The following TRIM49C variants were observed in gnomAD, a reference collection of about 807,000 sequenced individuals.
TRIM49C encodes the protein tripartite motif containing 49C, also known as tripartite motif-containing protein 49C.
A neutral mutation model predicts 21.4 loss-of-function variants in TRIM49C; 6 were observed. That is an observed-to-expected ratio of 0.28 (90% confidence interval 0.15 to 0.55). TRIM49C has a LOEUF of 0.55. Among genes scored for constraint, TRIM49C ranks in the 20% least tolerant of loss-of-function variants. The pLI, the probability that TRIM49C is intolerant of heterozygous loss-of-function variation, is 0.94. For missense variants in TRIM49C, 161 were observed against 442.4 expected (o/e 0.36, Z 5.71); for synonymous variants, 57 against 148.1 (o/e 0.38, Z 4.47).
At chr11:90,040,850 A>AAG (rs199786190) in intron 7 of TRIM49C, among the ~76,000 whole-genome samples, 3 of 49,860 alleles carry the variant, frequency 6.0e-5, no homozygotes, top group African/African-American at 3.6e-4. Context: ...GTAAGTTTTC[A>AAG]AAAAAAAAAC....
chr11:90,046,765 C>A (rs1354199622), downstream of TRIM49C, among the ~76,000 whole-genome samples: 1 of 124,698 alleles, frequency 8.0e-6, no homozygotes, highest in African/African-American at 3.3e-5. Flanking sequence ...GTCTCTATCT[C>A]CTTCAGTTCT....
the TRIM49C span, among the ~76,000 whole-genome samples, chr11:90,062,385 A>C: frequency 7.3e-6 from 1 of 137,264 alleles, no homozygotes; most frequent in Non-Finnish European, 1.6e-5. Context: ...TTTTAAGGAA[A>C]CCTCCTTTAG....
chr11:90,052,408 C>A, the TRIM49C span: 2 of 185,366 alleles, frequency 1.1e-5, no homozygotes, highest in Admixed American at 7.5e-5. Flanking sequence ...CTGTTAGAGG[C>A]TCGTGGTCAT....
At chr11:90,062,356 C>G in the TRIM49C span, among the ~76,000 whole-genome samples, 1 of 134,960 alleles carries the variant, frequency 7.4e-6, no homozygotes, top group East Asian at 2.1e-4. Context: ...CAGCTCCATT[C>G]TATATGTTTG....
the TRIM49C span, among the ~76,000 whole-genome samples, chr11:90,066,923 G>A: frequency 6.5e-5 from 9 of 138,054 alleles, 1 homozygote; most frequent in Admixed American, 8.5e-5. Flanking sequence ...GTCTGTCACC[G>A]TGACTGGCTA....
the TRIM49C span, among the ~76,000 whole-genome samples, chr11:90,069,921 G>A: frequency 1.7e-5 from 2 of 119,508 alleles, no homozygotes; most frequent in Non-Finnish European, 3.4e-5. Context: ...AGGGGAGAAT[G>A]TCTGCCTATT....
chr11:90,052,802 G>C, the TRIM49C span: 6 of 157,256 alleles, frequency 3.8e-5, no homozygotes, highest in East Asian at 9.6e-4. Context: ...AGTTCAACAA[G>C]TAGTTGGTGA....
chr11:90,038,940 G>C (rs180730742), intron 6 of TRIM49C, among the ~76,000 whole-genome samples: 4 of 136,226 alleles, frequency 2.9e-5, no homozygotes, highest in Non-Finnish European at 4.8e-5. Context: ...TTTTTTTTGA[G>C]ACGCTGTCTG....
chr11:90,070,905 T>C, the TRIM49C span, among the ~76,000 whole-genome samples: 5 of 140,780 alleles, frequency 3.6e-5, 1 homozygote, highest in Non-Finnish European at 7.7e-5. Context: ...GCTATTCTCC[T>C]GCCTCATCCT....
At chr11:90,069,555 A>G in the TRIM49C span, among the ~76,000 whole-genome samples, 2 of 131,974 alleles carry the variant, frequency 1.5e-5, 1 homozygote, top group African/African-American at 5.7e-5. Context: ...GGAAGCGATA[A>G]CTACATTAAA....
intron 1 of TRIM49C, among the ~76,000 whole-genome samples, chr11:90,031,709 G>T (rs1351068230): frequency 6.6e-6 from 1 of 151,038 alleles, no homozygotes; most frequent in African/African-American, 2.4e-5. Context: ...TTCAATGAGA[G>T]ACCCCAGGTT....
chr11:90,069,636 T>C, the TRIM49C span, among the ~76,000 whole-genome samples: 1 of 123,052 alleles, frequency 8.1e-6, no homozygotes, highest in Non-Finnish European at 1.7e-5. Flanking sequence ...AAGCTTCTGA[T>C]ATAAAGGAGA....
chr11:90,045,892 G>T (rs1354102337), downstream of TRIM49C, among the ~76,000 whole-genome samples: 2 of 120,220 alleles, frequency 1.7e-5, 1 homozygote, highest in Non-Finnish European at 3.4e-5. Flanking sequence ...TGCCCACTCA[G>T]TATGATATTT....
At chr11:90,071,841 T>C in the TRIM49C span, 13 of 723,792 alleles carry the variant, frequency 1.8e-5, 1 homozygote, top group East Asian at 1.8e-4. Flanking sequence ...CCTTCAGTTA[T>C]GGTTTTCTAT....
chr11:90,033,796 A>T (rs1426456410), intron 2 of TRIM49C, among the ~76,000 whole-genome samples: 2 of 127,038 alleles, frequency 1.6e-5, no homozygotes, highest in South Asian at 2.9e-4. Context: ...AAATACAAAA[A>T]TTAGCCAGGC....
In TRIM49C at chr11:90,036,107, G is replaced by T; in HGVS notation, c.507+124G>T. 4.3e-6 allele frequency: 5 copies of T among 1,173,010 alleles called. 1 individual carries two copies. Among genetic ancestry groups the T allele is most frequent in the Non-Finnish European group, 5.5e-6 (5 of 908,934 alleles). The allele number at this position is 1,173,010 out of a possible 1,614,324, so 72.7% of individuals were successfully genotyped here. Reference sequence around the variant, plus strand: ...ATACAGTAAAAAAAAAAAGGCGAGAGAAAACATTGAGAAAAAGTGGCCTCA... The same window carrying T: ...ATACAGTAAAAAAAAAAAGGCGAGATAAAACATTGAGAAAAAGTGGCCTCA... On this transcript the variant is annotated intron_variant, in intron 4 of 7. Transcript: ENST00000448984.
At chr11:90,039,702 A>T (rs1351840448) in intron 6 of TRIM49C, among the ~76,000 whole-genome samples, 163 bp from the exon 7 acceptor site, 1 of 137,426 alleles carries the variant, frequency 7.3e-6, no homozygotes, top group Non-Finnish European at 1.6e-5. Context: ...ATGCTTTAAA[A>T]TTTAGAAACT....
chr11:90,066,892 C>G, the TRIM49C span, among the ~76,000 whole-genome samples: 1 of 138,132 alleles, frequency 7.2e-6, no homozygotes, highest in African/African-American at 2.6e-5. Context: ...CTCAGCCTCC[C>G]GAGTAGCTGG....
the TRIM49C span, among the ~76,000 whole-genome samples, chr11:90,069,935 C>A: frequency 8.0e-6 from 1 of 124,386 alleles, no homozygotes; most frequent in Non-Finnish European, 1.7e-5. Context: ...GCCTATTGAC[C>A]TCGACGGCAT....
Sources: allele counts gnomAD v4.1 joint callset (sites outside exome capture counted in the v4.1 genomes callset), GRCh38; gene constraint gnomAD v4.1.1; transcripts MANE v1.5; gene names NCBI Gene and HGNC (gene_info 2026-07-23, HGNC 2026-07-21).